The following VEPH1 variants were observed in gnomAD, a reference collection of about 807,000 sequenced individuals.
The protein encoded by VEPH1 is ventricular zone-expressed PH domain-containing protein homolog 1.
In VEPH1, 80 loss-of-function variants were observed where a neutral mutation model predicts 85.2. The observed-to-expected ratio is 0.94, with a 90% CI of 0.78 to 1.13. The LOEUF (loss-of-function observed/expected upper bound fraction) is 1.13. Among genes scored for constraint, VEPH1 ranks in the 50% most tolerant of loss-of-function variants. The pLI is 0.00. For missense variants in VEPH1, 955 were observed against 980.5 expected (o/e 0.97, Z 0.35); for synonymous variants, 297 against 348.0 (o/e 0.85, Z 1.63).
intron 9 of VEPH1, among the ~76,000 whole-genome samples, chr3:157,345,311 G>T (rs1278784233): frequency 6.6e-6 from 1 of 151,988 alleles, no homozygotes; most frequent in African/African-American, 2.4e-5. Context: ...AATCTACAAA[G>T]AACTCAAACA....
In VEPH1 at chr3:157,467,119, G is replaced by GTGTGTA. The variant is rs1234337930; in HGVS notation, c.354+3189_354+3194dup. 2.5e-5 allele frequency among the ~76,000 whole-genome samples: 3 copies of GTGTGTA among 118,102 alleles called. No individual in the cohort carries two copies. In the East Asian group the frequency reaches 7.3e-4, roughly 29 times the overall value. The allele number at this position is 118,102 out of a possible 152,430, so 77.5% of individuals were successfully genotyped here. On this transcript the variant is annotated intron_variant, in intron 3 of 13. Coordinates refer to ENST00000362010, the MANE Select transcript of VEPH1 (RefSeq NM_001167912.2). ...GGGGGACAAAAAGAAAAGTGTGTGT[G>GTGTGTA]TGTGTATGTGTGTGTGTGTGTGTGT...
intron 7 of VEPH1, among the ~76,000 whole-genome samples, chr3:157,377,950 A>G (rs1560010081): frequency 6.6e-6 from 1 of 152,130 alleles, no homozygotes; most frequent in African/African-American, 2.4e-5. Context: ...ATATAATCTC[A>G]GAAATGTCAA....
intron 8 of VEPH1, 77 bp downstream of exon 8, chr3:157,364,226 C>T: frequency 1.7e-6 from 2 of 1,153,276 alleles, no homozygotes; most frequent in East Asian, 2.4e-5. Context: ...ATAAAAAACA[C>T]CCCATAACAG....
chr3:157,407,381 A>G (rs1731225709), intron 6 of VEPH1, among the ~76,000 whole-genome samples: 1 of 152,184 alleles, frequency 6.6e-6, no homozygotes, highest in Non-Finnish European at 1.5e-5. Flanking sequence ...CCTATTTTAA[A>G]TTATGAAGGT....
chr3:157,417,735 C>G (rs759450837), intron 5 of VEPH1, among the ~76,000 whole-genome samples: 1 of 152,130 alleles, frequency 6.6e-6, no homozygotes, highest in Admixed American at 6.5e-5. Flanking sequence ...TTCCAGCCCA[C>G]CATAACAAAT....
chr3:157,487,180 A>G (rs981330669), intron 2 of VEPH1, among the ~76,000 whole-genome samples: 1 of 152,090 alleles, frequency 6.6e-6, no homozygotes, highest in Non-Finnish European at 1.5e-5. Flanking sequence ...AAAAGAAATT[A>G]ATAAGATTTT....
chr3:157,358,413 A>G (rs1725676441), intron 9 of VEPH1, among the ~76,000 whole-genome samples: 1 of 152,178 alleles, frequency 6.6e-6, no homozygotes, highest in South Asian at 2.1e-4. Context: ...TCTTTCTCAA[A>G]TTGTGTGAAA....
In VEPH1 at chr3:157,372,237, A is replaced by G. The variant is rs561890258; in HGVS notation, c.1128-7725T>C. Reference sequence around the variant, plus strand: ...ACATCTTCTCATAGTCTTCATCTCAAATATGATACTGTAACCCAATTTTAA... The same window carrying G: ...ACATCTTCTCATAGTCTTCATCTCAGATATGATACTGTAACCCAATTTTAA... On this transcript the variant is annotated intron_variant, in intron 7 of 13. Transcript: ENST00000362010. Among the ~76,000 whole-genome samples, 3 of 152,324 alleles carry G rather than the reference A, an allele frequency of 2.0e-5. No individual in the cohort carries two copies. The South Asian group carries it at 6.2e-4, about 32-fold the overall frequency.
chr3:157,378,332 A>G (rs1218681397), intron 7 of VEPH1, among the ~76,000 whole-genome samples: 8 of 124,324 alleles, frequency 6.4e-5, no homozygotes, highest in Non-Finnish European at 1.2e-4. Context: ...ATATATATAT[A>G]TATATATATA....
At chr3:157,449,380 A>T (rs897479900) in intron 4 of VEPH1, among the ~76,000 whole-genome samples, 10 of 152,114 alleles carry the variant, frequency 6.6e-5, no homozygotes, top group Non-Finnish European at 1.5e-4. Context: ...CTATTAATTT[A>T]TGCATGCTGT....
intron 6 of VEPH1, among the ~76,000 whole-genome samples, chr3:157,392,465 T>G (rs1729951841): frequency 6.6e-6 from 1 of 152,140 alleles, no homozygotes; most frequent in Non-Finnish European, 1.5e-5. Context: ...ATGTGGGAAT[T>G]CAATATAAGA....
chr3:157,283,127 CTT>C (rs1236581962), intron 12 of VEPH1, among the ~76,000 whole-genome samples: 1 of 152,144 alleles, frequency 6.6e-6, no homozygotes. Flanking sequence ...AAAAATTAAA[CTT>C]GTCTCTGGGT....
At chr3:157,317,262 G>T in intron 9 of VEPH1, 61 bp from the exon 10 acceptor site, 1 of 1,448,258 alleles carries the variant, frequency 6.9e-7, no homozygotes, top group East Asian at 2.5e-5. Context: ...ACTTTATATT[G>T]ATACTTCAAC....
At chr3:157,367,858 T>A (rs1156468707) in intron 7 of VEPH1, among the ~76,000 whole-genome samples, 2 of 152,140 alleles carry the variant, frequency 1.3e-5, no homozygotes, top group African/African-American at 4.8e-5. Flanking sequence ...GAGGAAAATT[T>A]CTCATGAATT....
At chr3:157,315,600 G>A (rs73873639) in intron 10 of VEPH1, among the ~76,000 whole-genome samples, 5,166 of 152,022 alleles carry the variant, frequency 0.034, 302 homozygotes, top group African/African-American at 0.12. Flanking sequence ...TTATTTACCC[G>A]AAAGCCAGAA....
intron 4 of VEPH1, chr3:157,437,709 A>G (rs1733730657): frequency 3.9e-6 from 6 of 1,531,452 alleles, no homozygotes; most frequent in Non-Finnish European, 5.2e-6. Context: ...GGGCTCCCGC[A>G]GAGGCCAGGC....
At chr3:157,411,236 G>C (rs1436699232) in intron 6 of VEPH1, among the ~76,000 whole-genome samples, 1 of 152,130 alleles carries the variant, frequency 6.6e-6, no homozygotes, top group African/African-American at 2.4e-5. Context: ...TGGCACTCTA[G>C]AGAGATTGCC....
At chr3:157,339,242 C>T (rs1228369796) in intron 9 of VEPH1, among the ~76,000 whole-genome samples, 1 of 152,202 alleles carries the variant, frequency 6.6e-6, no homozygotes, top group Non-Finnish European at 1.5e-5. Context: ...CCTGAGACCC[C>T]CACGGCCTGA....
intron 4 of VEPH1, among the ~76,000 whole-genome samples, chr3:157,458,958 C>T (rs1013188668): frequency 1.1e-4 from 17 of 152,126 alleles, no homozygotes; most frequent in Admixed American, 5.9e-4. Flanking sequence ...TTTCTGGGTT[C>T]TCTATTCTGT....
Sources: gnomAD v4.1 joint callset for allele counts (sites outside exome capture counted in the v4.1 genomes callset) on GRCh38, gnomAD v4.1.1 for gene constraint, MANE v1.5 for transcripts, NCBI Gene and HGNC (gene_info 2026-07-23, HGNC 2026-07-21) for gene names.